Variants in ACAD10 observed in about 807,000 individuals in gnomAD.
The protein encoded by ACAD10 is ACAD-10.
In ACAD10, 112 loss-of-function variants were observed where a neutral mutation model predicts 116.8. That is an observed-to-expected ratio of 0.96 (90% confidence interval 0.82 to 1.12). The LOEUF is 1.12. Among genes scored for constraint, ACAD10 ranks in the 50% most tolerant of loss-of-function variants. The pLI is 0.00. For missense variants in ACAD10, 1,259 were observed against 1,350.2 expected, an observed-to-expected ratio of 0.93 and a Z score of 1.06; for synonymous variants, 486 against 510.6, an observed-to-expected ratio of 0.95 and a Z score of 0.65.
intron 12 of ACAD10, among the ~76,000 whole-genome samples, chr12:111,740,371 G>T (rs58203141): frequency 0.016 from 2,342 of 150,186 alleles, 67 homozygotes; most frequent in African/African-American, 0.054. Context: ...TGAGGCAGGA[G>T]AATCACTTGA....
chr12:111,755,836 C>A, intron 20 of ACAD10, 91 bp downstream of exon 20: 1 of 1,263,842 alleles, frequency 7.9e-7, no homozygotes, highest in Non-Finnish European at 1.2e-6. Context: ...CCCATAGACC[C>A]TGGCAGATGC....
In ACAD10 at chr12:111,712,710, G is replaced by T. The variant is rs570911171; in HGVS notation, c.850+53G>T. 3.2e-5 allele frequency: 51 copies of T among 1,582,518 alleles called. 2 individuals carry two copies. The South Asian group carries it at 5.3e-4, about 17-fold the overall frequency. ...AGCTCTCTCCAAGGCGAAGGTTTTG[G>T]TCTGTTTCTCACTTTTCAACCCTAA... On this transcript the variant is annotated intron_variant, in intron 6 of 20. Coordinates refer to ENST00000313698, the MANE Select transcript of ACAD10 (RefSeq NM_025247.6).
chr12:111,687,867 C>CT (rs766910800), intron 1 of ACAD10, among the ~76,000 whole-genome samples: 299 of 144,560 alleles, frequency 2.1e-3, no homozygotes, highest in African/African-American at 3.1e-3. Context: ...CCAAACAAAC[C>CT]TTTTTTTTTT....
intron 2 of ACAD10, among the ~76,000 whole-genome samples, chr12:111,697,388 C>T (rs1363682052): frequency 7.0e-6 from 1 of 142,638 alleles, no homozygotes; most frequent in Non-Finnish European, 1.5e-5. Context: ...TGAGACAGAG[C>T]ATCATTCCAT....
chr12:111,688,515 TACTTG>T (rs1485120689), intron 1 of ACAD10, among the ~76,000 whole-genome samples: 6 of 151,946 alleles, frequency 3.9e-5, no homozygotes, highest in East Asian at 1.9e-4. Context: ...AAAAAAAAAG[TACTTG>T]ACTTGGTGTG....
In ACAD10 at chr12:111,727,593, C is replaced by T. The variant is rs112619992; in HGVS notation, c.1062-369C>T. Among the ~76,000 whole-genome samples, 6 of 152,188 alleles carry T rather than the reference C, an allele frequency of 3.9e-5. No homozygotes were observed. The South Asian group carries it at 8.3e-4, about 21-fold the overall frequency. ...CTGGTTCGGTGTGACTCCAGAGGTCCTTCTCTGAGCCTTGCTGCTTGCTAC... is the reference window on the plus strand; with the variant it reads ...CTGGTTCGGTGTGACTCCAGAGGTCTTTCTCTGAGCCTTGCTGCTTGCTAC... On this transcript the variant is annotated intron_variant, in intron 8 of 20. Coordinates refer to ENST00000313698, the MANE Select transcript of ACAD10 (RefSeq NM_025247.6).
chr12:111,715,874 A>G lies in ACAD10; in HGVS notation c.904A>G (p.Ile302Val), dbSNP rs759112696. Residue 302 changes from isoleucine (I) to valine (V), a missense_variant, in exon 7 of 21, where the codon ATC (isoleucine) becomes GTC (valine). Transcript: ENST00000313698. The stretch of plus-strand genomic sequence containing the variant: ...CGGGCAGTCAAATCCAACTTACTAC[A>G]TCAGGCTGGCTAATCGTGATCTAGT... ...DHGQSNPTYY[I>V]RLANRDLVLR... 8 of 1,613,994 alleles carry G rather than the reference A, an allele frequency of 5.0e-6. No homozygotes were observed. In the South Asian group the frequency reaches 5.5e-5, roughly 11 times the overall value.
At chr12:111,692,130 G>A (rs1219795799) in intron 1 of ACAD10, among the ~76,000 whole-genome samples, 23 of 152,042 alleles carry the variant, frequency 1.5e-4, no homozygotes, top group Admixed American at 7.2e-4. Context: ...CACCATGCCC[G>A]GCTAATTTTG....
intron 5 of ACAD10, chr12:111,710,418 C>G (rs554600613): frequency 8.5e-6 from 3 of 352,034 alleles, no homozygotes; most frequent in African/African-American, 2.2e-5. Flanking sequence ...TTTTCATCGT[C>G]GAGCTGATGG....
chr12:111,728,031 A>G lies in ACAD10; in HGVS notation c.1131A>G (p.Pro377=), dbSNP rs1889272428. 1 of 1,613,988 alleles carries G rather than the reference A, an allele frequency of 6.2e-7. No homozygotes were observed. The highest frequency in any genetic ancestry group is 1.1e-5 in the South Asian group (1 of 91,084). ...PGLIYKDPSL[P]GLEPSHRRAI... is the part of the protein sequence containing the mutation. ...TCATCTACAAAGACCCTTCCCTGCC[A>G]GGCTTGGAGCCCAGCCACAGACGAG... The change falls in exon 9 of 21, where the codon CCA becomes CCG. Residue 377 remains proline, a synonymous_variant. Coordinates refer to ENST00000313698, the MANE Select transcript of ACAD10 (RefSeq NM_025247.6).
intron 7 of ACAD10, among the ~76,000 whole-genome samples, chr12:111,719,714 G>A (rs1345166979): frequency 2.0e-5 from 3 of 151,968 alleles, no homozygotes; most frequent in Admixed American, 6.6e-5. Context: ...CACCATGCCC[G>A]GCTAATTTTT....
At chr12:111,697,299 G>A (rs1410583768) in intron 2 of ACAD10, among the ~76,000 whole-genome samples, 2 of 151,128 alleles carry the variant, frequency 1.3e-5, no homozygotes, top group Non-Finnish European at 1.5e-5. Flanking sequence ...CAAAATGTTT[G>A]ACTTTAAAAT....
intron 2 of ACAD10, among the ~76,000 whole-genome samples, chr12:111,698,210 C>G (rs1252025974): frequency 6.6e-6 from 1 of 150,660 alleles, no homozygotes; most frequent in Non-Finnish European, 1.5e-5. Flanking sequence ...GTTGGCCAGG[C>G]TGGTCTTGAA....
At chr12:111,724,411 G>C (rs895382271) in intron 8 of ACAD10, among the ~76,000 whole-genome samples, 1 of 152,182 alleles carries the variant, frequency 6.6e-6, no homozygotes, top group Non-Finnish European at 1.5e-5. Flanking sequence ...GTGGCGGCCG[G>C]GCAGAGGCTG....
chr12:111,744,428 C>A, intron 12 of ACAD10: 1 of 613,080 alleles, frequency 1.6e-6, no homozygotes, highest in Non-Finnish European at 2.8e-6. Context: ...ACCTCCTTCT[C>A]TAAGACTCAG....
chr12:111,737,429 C>T (rs1048256978), intron 12 of ACAD10, among the ~76,000 whole-genome samples: 2 of 152,134 alleles, frequency 1.3e-5, no homozygotes, highest in African/African-American at 4.8e-5. Context: ...TCAAGTGATC[C>T]GTCTGCCTTG....
chr12:111,712,928 A>G (rs929270482), intron 6 of ACAD10, among the ~76,000 whole-genome samples: 1 of 152,092 alleles, frequency 6.6e-6, no homozygotes, highest in Admixed American at 6.6e-5. Flanking sequence ...TTCAACAGGG[A>G]GAGGAACTTG....
chr12:111,740,793 A>G (rs907723282), intron 12 of ACAD10, among the ~76,000 whole-genome samples: 1 of 151,546 alleles, frequency 6.6e-6, no homozygotes, highest in African/African-American at 2.4e-5. Flanking sequence ...AAAAAAAAAA[A>G]AAAAAAAAAG....
At chr12:111,707,189 A>C (rs1409445164) in intron 4 of ACAD10, among the ~76,000 whole-genome samples, 1 of 151,884 alleles carries the variant, frequency 6.6e-6, no homozygotes, top group Non-Finnish European at 1.5e-5. Context: ...TCCTGGGCTC[A>C]AGCAATTCTC....
Sources: allele counts gnomAD v4.1 joint callset (sites outside exome capture counted in the v4.1 genomes callset), GRCh38; gene constraint gnomAD v4.1.1; transcripts MANE v1.5; gene names NCBI Gene and HGNC (gene_info 2026-07-23, HGNC 2026-07-21).